PXDN: variants seen among roughly 807,000 people sequenced by gnomAD.
The protein encoded by PXDN is peroxidasin homolog.
A neutral mutation model predicts 140.3 loss-of-function variants in PXDN; 77 were observed. The observed-to-expected ratio is 0.55, with a 90% CI of 0.46 to 0.66. PXDN has a LOEUF of 0.66. Ranked by LOEUF, PXDN falls within the 30% of genes least tolerant of loss-of-function variation. PXDN has a pLI of 0.00. For synonymous variants in PXDN, 911 were observed against 857.4 expected, an observed-to-expected ratio of 1.06 and a Z score of -1.09; for missense variants, 1,838 against 2,039.5, an observed-to-expected ratio of 0.90 and a Z score of 1.90.
At chr2:1,662,635 G>A (rs866865125) in intron 12 of PXDN, among the ~76,000 whole-genome samples, 10 of 152,218 alleles carry the variant, frequency 6.6e-5, no homozygotes, top group East Asian at 1.9e-4. Flanking sequence ...GAGCAGGAGC[G>A]TGGCTGAGTG....
At chr2:1,705,173 G>T (rs1486132359) in intron 1 of PXDN, among the ~76,000 whole-genome samples, 1 of 150,986 alleles carries the variant, frequency 6.6e-6, no homozygotes, top group Non-Finnish European at 1.5e-5. Flanking sequence ...GGAGCCGTGA[G>T]AGCAGAGCAT....
chr2:1,677,548 G>T (rs747463349), intron 7 of PXDN, among the ~76,000 whole-genome samples: 1 of 152,184 alleles, frequency 6.6e-6, no homozygotes, highest in South Asian at 2.1e-4. Context: ...TCCACCCTGG[G>T]CAAGGGGAGA....
intron 9 of PXDN, among the ~76,000 whole-genome samples, chr2:1,666,715 C>T (rs551773776): frequency 4.6e-5 from 7 of 152,286 alleles, no homozygotes; most frequent in South Asian, 2.1e-4. Context: ...CAACCATGAT[C>T]GGTTAGGAAG....
Position 1,634,059 on chromosome 2 carries a change from C to T in PXDN, c.*145G>A. 4 of 1,306,784 alleles carry T rather than the reference C, an allele frequency of 3.1e-6. No individual in the cohort carries two copies. Among genetic ancestry groups the T allele is most frequent in the Non-Finnish European group, 4.1e-6 (4 of 965,136 alleles). 80.9% of individuals were successfully genotyped at this position (1,306,784 alleles called of 1,614,324 possible). A position where few individuals can be genotyped will look rare whatever the true frequency, so the allele number is the denominator to read the frequency against. ...CTCTGGTTGGAAGCCTCCTGCACTG[C>T]CTTCTGTAACAGCACCAGCTGGACG... On this transcript the variant is annotated 3_prime_UTR_variant, in exon 23 of 23. Transcript: ENST00000252804.
rs562231688 is a variant in PXDN at position 1,676,968 on chromosome 2, G to A, written c.807C>T (p.Ala269=). The change falls in exon 8 of 23, where the codon GCC becomes GCT. Residue 269 remains alanine, a synonymous_variant. Coordinates refer to ENST00000252804, the MANE Select transcript of PXDN (RefSeq NM_012293.3). ...TGATCTCAGGCTTGGGGTTGCCTTC[G>A]GCTCTGCAGGTGAAGTACACGGTGT... is the stretch of plus-strand genomic sequence containing the variant. ...SGNTVYFTCR[A]EGNPKPEIIW... is the part of the protein sequence containing the mutation. 22 of 1,613,034 alleles carry A rather than the reference G, an allele frequency of 1.4e-5. No individual in the cohort carries two copies. Among genetic ancestry groups the A allele is most frequent in the Middle Eastern group, 1.6e-4 (1 of 6,062 alleles).
rs988002526 is a variant in PXDN, at chr2:1,725,118, T to A, written c.200+19138A>T. 2.6e-5 allele frequency among the ~76,000 whole-genome samples: 4 copies of A among 152,234 alleles called. No individual in the cohort carries two copies. The East Asian group carries it at 5.8e-4, about 22-fold the overall frequency. On this transcript the variant is annotated intron_variant, in intron 1 of 22. Transcript: ENST00000252804. ...TTCCTAATTATTTTATTCTTTTTGA[T>A]GCTATCATAACAGATTGTTTTCTTG...
In PXDN at chr2:1,691,978, G is replaced by A. The variant is rs946789232; in HGVS notation, c.294C>T (p.Ile98=). 2.6e-6 allele frequency: 4 copies of A among 1,528,408 alleles called. No homozygotes were observed. The highest frequency in any genetic ancestry group is 3.5e-6 in the Non-Finnish European group (4 of 1,132,790). The allele number at this position is 1,528,408 out of a possible 1,614,324, so 94.7% of individuals were successfully genotyped here. The stretch of plus-strand genomic sequence containing the variant: ...CAAATGCTCCACTAGGTATCCTCTT[G>A]ATCTGATTATTATTGAGAAGCCTAT... ...LNTLLLNNNQ[I]KRIPSGAFED... Residue 98 remains isoleucine (I), a synonymous_variant, in exon 3 of 23, where the codon ATC becomes ATT. Transcript: ENST00000252804.
rs961534980 is a variant in PXDN, at chr2:1,651,235, C to A, written c.2105-1560G>T. On this transcript the variant is annotated intron_variant, in intron 16 of 22. Coordinates refer to ENST00000252804, the MANE Select transcript of PXDN (RefSeq NM_012293.3). This position sits in a 1 kb window ranked among gnomAD's most constrained non-coding sequence, Gnocchi z 4.4. ...GTGCCAGGAGGAAAAGCACTTCCTCCCAAATGCCTGGCTGGGCTGTGGGGC... is the reference window on the plus strand; with the variant it reads ...GTGCCAGGAGGAAAAGCACTTCCTCACAAATGCCTGGCTGGGCTGTGGGGC... Among the ~76,000 whole-genome samples, 10 of 152,294 alleles carry A rather than the reference C, an allele frequency of 6.6e-5. No individual in the cohort carries two copies. Among genetic ancestry groups the A allele is most frequent in the African/African-American group, 2.4e-4 (10 of 41,566 alleles).
At position 1,666,603 on chromosome 2, in the gene PXDN, C is replaced by T. The variant is rs2125428600; in HGVS notation, c.1019-117G>A. 10 of 1,232,362 alleles carry T rather than the reference C, an allele frequency of 8.1e-6. No homozygotes were observed. The South Asian group carries it at 1.5e-4, about 18-fold the overall frequency. 76.3% of individuals were successfully genotyped at this position (1,232,362 alleles called of 1,614,324 possible). On this transcript the variant is annotated intron_variant, in intron 9 of 22. Transcript: ENST00000252804. The stretch of plus-strand genomic sequence containing the variant: ...TTACCACCGAAATAGGCAAAACAAA[C>T]ACAACGTAACTGCATATTTTCTTTT...
At chr2:1,700,293 C>T (rs1572170037) in intron 1 of PXDN, among the ~76,000 whole-genome samples, 1 of 152,232 alleles carries the variant, frequency 6.6e-6, no homozygotes. Flanking sequence ...AACTCCTGAC[C>T]TCAGGTGATC....
Position 1,649,446 on chromosome 2 carries a change from A to G in PXDN, c.2334T>C (p.Pro778=), listed in dbSNP as rs1270946037. 6.2e-7 allele frequency: 1 copy of G among 1,613,776 alleles called. No individual in the cohort carries two copies. The highest frequency in any genetic ancestry group is 1.3e-5 in the African/African-American group (1 of 74,894). The change falls in exon 17 of 23, where the codon CCT becomes CCC. Residue 778 remains proline, a synonymous_variant. Transcript: ENST00000252804. This position sits in a 1 kb window ranked among gnomAD's most constrained non-coding sequence, Gnocchi z 7.1. ...KSVYENGFNT[P]RGINPHRLYN... is the part of the protein sequence containing the mutation. ...ACAGTCGGTGGGGGTTGATGCCCCG[A>G]GGGGTGTTGAAGCCATTCTCGTACA... is the stretch of plus-strand genomic sequence containing the variant.
chr2:1,635,750 C>T, intron 21 of PXDN: 1 of 529,396 alleles, frequency 1.9e-6, no homozygotes, highest in South Asian at 2.0e-5. Flanking sequence ...CAAATAAAAA[C>T]CGTAGTCACA....
chr2:1,633,922 A>T lies in PXDN; in HGVS notation c.*282T>A, dbSNP rs1337545379. The T allele has an allele frequency of 9.7e-6, 3 of 310,510 alleles. No individual in the cohort carries two copies. Among genetic ancestry groups the T allele is most frequent in the Non-Finnish European group, 1.8e-5 (3 of 167,624 alleles). 19.2% of individuals were successfully genotyped at this position (310,510 alleles called of 1,614,324 possible). ...TTCAACTGTGCAATTTAATAGTAGCACCAATTTTTCATTTTAAAAGAATTA... is the reference window on the plus strand; with the variant it reads ...TTCAACTGTGCAATTTAATAGTAGCTCCAATTTTTCATTTTAAAAGAATTA... On this transcript the variant is annotated 3_prime_UTR_variant, in exon 23 of 23. Transcript: ENST00000252804.
chr2:1,648,842 C>T lies in PXDN; in HGVS notation c.2938G>A (p.Glu980Lys), dbSNP rs1285902215. 6.2e-7 allele frequency: 1 copy of T among 1,600,968 alleles called. No individual in the cohort carries two copies. Among genetic ancestry groups the T allele is most frequent in the Non-Finnish European group, 8.5e-7 (1 of 1,176,394 alleles). The change falls in exon 17 of 23, where the codon GAG (glutamate) becomes AAG (lysine). Residue 980 changes from glutamate to lysine, a missense_variant. Physicochemically the swap from Glu to Lys is moderately conservative, Grantham distance 56. This residue lies in a region of PXDN where 850 missense variants were observed against 894.1 expected (regional missense o/e 0.95). Coordinates refer to ENST00000252804, the MANE Select transcript of PXDN (RefSeq NM_012293.3). The surrounding 1 kb of genome is among the most constrained non-coding windows in gnomAD (Gnocchi z 8.9). ...TGCATGCTGGTCAGGCCCAGCTGCT[C>T]GTTGGCGCGGTGGTCCCCGGCCAGG... ...CFLAGDHRAN[E>K]QLGLTSMHTL...
chr2:1,649,284 C>G lies in PXDN; in HGVS notation c.2496G>C (p.Thr832=), dbSNP rs1429716550. The change falls in exon 17 of 23, where the codon ACG becomes ACC. Residue 832 remains threonine, a synonymous_variant. Transcript: ENST00000252804. The surrounding 1 kb of genome is among the most constrained non-coding windows in gnomAD (Gnocchi z 7.1). ...GQFLDHDLDS[T]VVALSQARFS... is the part of the protein sequence containing the mutation. ...AGCGTGCCTGGCTCAGGGCCACCAC[C>G]GTGGAGTCGAGGTCGTGGTCCAGGA... 1.9e-6 allele frequency: 3 copies of G among 1,613,320 alleles called. No individual in the cohort carries two copies.
intron 1 of PXDN, among the ~76,000 whole-genome samples, chr2:1,730,475 AT>A (rs549086807): frequency 2.8e-3 from 429 of 152,286 alleles, no homozygotes; most frequent in Non-Finnish European, 4.8e-3. Flanking sequence ...GCTCTTACAA[AT>A]TCATACACAA....
At chr2:1,700,613 A>G (rs934537899) in intron 1 of PXDN, among the ~76,000 whole-genome samples, 1 of 152,128 alleles carries the variant, frequency 6.6e-6, no homozygotes, top group Non-Finnish European at 1.5e-5. Flanking sequence ...ACAGCAACAC[A>G]ACCAAGGCCA....
At chr2:1,667,055 T>C (rs113408776) in intron 9 of PXDN, among the ~76,000 whole-genome samples, 1 of 152,250 alleles carries the variant, frequency 6.6e-6, no homozygotes, top group South Asian at 2.1e-4. Flanking sequence ...CCAGCCCACC[T>C]GCAGGGACGT....
intron 1 of PXDN, among the ~76,000 whole-genome samples, chr2:1,724,803 AT>A (rs1685138077): frequency 6.6e-6 from 1 of 152,274 alleles, no homozygotes; most frequent in Admixed American, 6.5e-5. Context: ...AATGCCTCAT[AT>A]TTTGTTCTCC....
Sources: allele counts gnomAD v4.1 joint callset (sites outside exome capture counted in the v4.1 genomes callset), GRCh38; gene constraint gnomAD v4.1.1; regional missense constraint gnomAD v4.1.1; non-coding constraint Gnocchi (gnomAD v3.1); transcripts MANE v1.5; gene names NCBI Gene and HGNC (gene_info 2026-07-23, HGNC 2026-07-21).